Variants in PRELID2 observed in about 807,000 individuals in gnomAD.
PRELID2 encodes the protein PRELI domain containing 2, also known as PRELI domain-containing protein 2.
PRELID2 carries 25 observed loss-of-function variants against 28.4 expected under a neutral mutation model. The ratio of observed to expected loss-of-function variants is 0.88; its 90% CI spans 0.64 to 1.23. The LOEUF is 1.23. PRELID2 is among the 50% of genes most tolerant of loss of function. The pLI, the probability that PRELID2 is intolerant of heterozygous loss-of-function variation, is 0.00. For synonymous variants in PRELID2, 76 were observed against 71.6 expected (o/e 1.06, Z -0.31); for missense variants, 201 against 214.4 (o/e 0.94, Z 0.39).
At chr5:145,637,549 T>C (rs1754020240) in intron 1 of PRELID2, among the ~76,000 whole-genome samples, 1 of 151,368 alleles carries the variant, frequency 6.6e-6, no homozygotes, top group Non-Finnish European at 1.5e-5. Context: ...AACTGAATCA[T>C]ATGGTTAACT....
At chr5:145,449,092 C>T in the PRELID2 span, among the ~76,000 whole-genome samples, 2 of 152,230 alleles carry the variant, frequency 1.3e-5, no homozygotes, top group African/African-American at 4.8e-5. Flanking sequence ...TATTGAGTAA[C>T]AAAATGGCCA....
chr5:145,687,978 G>C (rs889902017), intron 1 of PRELID2, among the ~76,000 whole-genome samples: 1 of 152,200 alleles, frequency 6.6e-6, no homozygotes, highest in Non-Finnish European at 1.5e-5. Flanking sequence ...TTTCTTCATT[G>C]CATGGTGCAG....
chr5:145,306,762 GTA>G, the PRELID2 span, among the ~76,000 whole-genome samples: 1 of 151,908 alleles, frequency 6.6e-6, no homozygotes, highest in Non-Finnish European at 1.5e-5. Flanking sequence ...TATGAATTAC[GTA>G]TATATGTTAA....
At chr5:145,768,008 C>T (rs1158799181) in intron 5 of PRELID2, among the ~76,000 whole-genome samples, 4 of 151,944 alleles carry the variant, frequency 2.6e-5, no homozygotes, top group Middle Eastern at 3.2e-3. Flanking sequence ...AGGTGGATCA[C>T]GAGGTCAAGA....
At chr5:145,584,002 C>T (rs1489958239) in intron 1 of PRELID2, among the ~76,000 whole-genome samples, 1 of 152,022 alleles carries the variant, frequency 6.6e-6, no homozygotes, top group Non-Finnish European at 1.5e-5. Flanking sequence ...GCAAAAAGAA[C>T]AAAGCTGGAG....
the PRELID2 span, among the ~76,000 whole-genome samples, chr5:145,299,161 T>C: frequency 1.3e-5 from 2 of 152,280 alleles, no homozygotes; most frequent in East Asian, 3.9e-4. Flanking sequence ...CTGTCTTTCA[T>C]ATCATTTTGA....
At chr5:145,349,038 A>G in the PRELID2 span, among the ~76,000 whole-genome samples, 1 of 152,134 alleles carries the variant, frequency 6.6e-6, no homozygotes, top group Non-Finnish European at 1.5e-5. Context: ...ATTACCAAAC[A>G]TAGTGATATA....
At chr5:145,547,503 A>T (rs1752798471) in intron 1 of PRELID2, among the ~76,000 whole-genome samples, 1 of 152,216 alleles carries the variant, frequency 6.6e-6, no homozygotes, top group African/African-American at 2.4e-5. Flanking sequence ...AAAAGTTAAT[A>T]TAAGAAAAGA....
intron 1 of PRELID2, among the ~76,000 whole-genome samples, chr5:145,623,883 A>G (rs1753808063): frequency 6.6e-6 from 1 of 152,182 alleles, no homozygotes; most frequent in Admixed American, 6.5e-5. Flanking sequence ...AGGAGTTAGC[A>G]TCAGATCCCA....
the PRELID2 span, among the ~76,000 whole-genome samples, chr5:145,413,694 A>C: frequency 6.6e-6 from 1 of 151,160 alleles, no homozygotes; most frequent in Admixed American, 6.6e-5. Flanking sequence ...ACATTTACTC[A>C]TCCCCCACCC....
intron 1 of PRELID2, among the ~76,000 whole-genome samples, chr5:145,555,543 C>T (rs1752873745): frequency 6.6e-6 from 1 of 152,170 alleles, no homozygotes; most frequent in Admixed American, 6.5e-5. Context: ...TTTGGGGTAG[C>T]ATTATCACAC....
At chr5:145,249,816 C>T in the PRELID2 span, among the ~76,000 whole-genome samples, 7 of 151,916 alleles carry the variant, frequency 4.6e-5, no homozygotes, top group Non-Finnish European at 1.0e-4. Flanking sequence ...AATCCTTGTG[C>T]TTTGGCTGAA....
At chr5:145,500,083 G>A (rs1470481212) in intron 1 of PRELID2, among the ~76,000 whole-genome samples, 1 of 152,168 alleles carries the variant, frequency 6.6e-6, no homozygotes. Flanking sequence ...TGTGTCGCAA[G>A]GTGGGAACAT....
intron 1 of PRELID2, among the ~76,000 whole-genome samples, chr5:145,610,179 C>T (rs1753591793): frequency 2.6e-5 from 4 of 152,160 alleles, no homozygotes; most frequent in Non-Finnish European, 5.9e-5. Context: ...CCCTGGGGGG[C>T]TCTCACTCAC....
At chr5:145,815,056 G>C (rs1332263642) in intron 4 of PRELID2, among the ~76,000 whole-genome samples, 1 of 152,212 alleles carries the variant, frequency 6.6e-6, no homozygotes, top group East Asian at 1.9e-4. Flanking sequence ...ATGGTACTAG[G>C]AGACTGAGAC....
At chr5:145,572,280 T>A (rs2149618532) in intron 1 of PRELID2, among the ~76,000 whole-genome samples, 1 of 152,328 alleles carries the variant, frequency 6.6e-6, no homozygotes, top group Non-Finnish European at 1.5e-5. Flanking sequence ...CTCCATAAAA[T>A]GTATAAATCT....
chr5:145,241,120 G>C, the PRELID2 span, among the ~76,000 whole-genome samples: 1 of 152,116 alleles, frequency 6.6e-6, no homozygotes, highest in Admixed American at 6.6e-5. Context: ...CCTGGCACAG[G>C]TAAGCATTCA....
chr5:145,343,239 C>CGAACA, the PRELID2 span, among the ~76,000 whole-genome samples: 1 of 151,834 alleles, frequency 6.6e-6, no homozygotes, highest in Non-Finnish European at 1.5e-5. Flanking sequence ...ATTGGCACAT[C>CGAACA]GAACATTCTC....
chr5:145,544,307 A>C (rs1355865629), intron 1 of PRELID2, among the ~76,000 whole-genome samples: 4 of 152,072 alleles, frequency 2.6e-5, no homozygotes, highest in African/African-American at 9.7e-5. Context: ...AGAAACCACC[A>C]AGATCTTTCA....
Sources: gnomAD v4.1 joint callset for allele counts (sites outside exome capture counted in the v4.1 genomes callset) on GRCh38, gnomAD v4.1.1 for gene constraint, MANE v1.5 for transcripts, NCBI Gene and HGNC (gene_info 2026-07-23, HGNC 2026-07-21) for gene names.